The following JAZF1 variants were observed in gnomAD, a reference collection of about 807,000 sequenced individuals.
The protein encoded by JAZF1 is juxtaposed with another zinc finger protein 1.
Under a neutral mutation model 26.4 loss-of-function variants are expected in JAZF1, and 8 were observed. That is an observed-to-expected ratio of 0.30 (90% CI 0.18 to 0.55). The LOEUF (loss-of-function observed/expected upper bound fraction) is 0.55. JAZF1 is among the 20% of genes least tolerant of loss of function. The probability of loss-of-function intolerance (pLI) is 0.94; values close to 1 mark genes in which losing one functional copy is unlikely to be tolerated. For synonymous variants in JAZF1, 126 were observed against 122.3 expected, an observed-to-expected ratio of 1.03 and a Z score of -0.20; for missense variants, 199 against 322.0, an observed-to-expected ratio of 0.62 and a Z score of 2.92.
chr7:27,929,785 G>A (rs1784656290), intron 2 of JAZF1, among the ~76,000 whole-genome samples: 2 of 152,116 alleles, frequency 1.3e-5, no homozygotes, highest in South Asian at 2.1e-4. Context: ...TCCTAAGACA[G>A]TATAATAGCA....
intron 3 of JAZF1, among the ~76,000 whole-genome samples, chr7:27,873,911 T>C (rs1174387933): frequency 6.6e-6 from 1 of 152,212 alleles, no homozygotes; most frequent in Non-Finnish European, 1.5e-5. Context: ...ATGCAATTAT[T>C]ATATGGACTA....
chr7:27,846,329 A>G (rs570152273), intron 3 of JAZF1, among the ~76,000 whole-genome samples: 24 of 147,684 alleles, frequency 1.6e-4, no homozygotes, highest in African/African-American at 5.8e-4. Flanking sequence ...GTGTGTATAC[A>G]TATGTACACG....
intron 1 of JAZF1, among the ~76,000 whole-genome samples, chr7:28,067,114 A>G (rs1783895888): frequency 6.6e-6 from 1 of 152,178 alleles, no homozygotes; most frequent in South Asian, 2.1e-4. Context: ...ACTCTAGGAG[A>G]AAATGCTGGA....
intron 1 of JAZF1, among the ~76,000 whole-genome samples, chr7:28,000,777 C>T (rs901143017): frequency 6.6e-6 from 1 of 151,890 alleles, no homozygotes; most frequent in African/African-American, 2.4e-5. Flanking sequence ...CGCCACCACA[C>T]CTGACTAATT....
intron 3 of JAZF1, among the ~76,000 whole-genome samples, chr7:27,874,340 C>A (rs1222329870): frequency 6.6e-6 from 1 of 152,204 alleles, no homozygotes; most frequent in Non-Finnish European, 1.5e-5. Context: ...TAAGTCTGGA[C>A]AGTTTTCTTT....
chr7:28,056,041 T>C (rs1783701737), intron 1 of JAZF1, among the ~76,000 whole-genome samples: 1 of 152,196 alleles, frequency 6.6e-6, no homozygotes, highest in Non-Finnish European at 1.5e-5. Context: ...CTGCTTTCCA[T>C]TCTTTGTGAA....
intron 4 of JAZF1, among the ~76,000 whole-genome samples, chr7:27,834,729 G>A (rs1482817983): frequency 6.6e-6 from 1 of 152,180 alleles, no homozygotes; most frequent in Admixed American, 6.5e-5. Context: ...AGAGGCCAAC[G>A]TGTGTATCCA....
chr7:27,853,982 C>T (rs1783198395), intron 3 of JAZF1, among the ~76,000 whole-genome samples: 1 of 152,106 alleles, frequency 6.6e-6, no homozygotes, highest in South Asian at 2.1e-4. Flanking sequence ...TTAAAGTCTC[C>T]CACTATTGTT....
chr7:28,000,613 TC>T (rs1786130073), intron 1 of JAZF1, among the ~76,000 whole-genome samples: 1 of 136,836 alleles, frequency 7.3e-6, no homozygotes. Context: ...TTTCTTTCTT[TC>T]TTTCTTTCTT....
intron 2 of JAZF1, among the ~76,000 whole-genome samples, chr7:27,991,000 G>T (rs1354645931): frequency 6.6e-6 from 1 of 152,108 alleles, no homozygotes; most frequent in African/African-American, 2.4e-5. Flanking sequence ...TGAACAACAG[G>T]TGTCTCTAAT....
At chr7:28,011,099 C>A (rs990434185) in intron 1 of JAZF1, among the ~76,000 whole-genome samples, 2 of 152,034 alleles carry the variant, frequency 1.3e-5, no homozygotes, top group Admixed American at 1.3e-4. Context: ...TAATTATTGC[C>A]GCAACCCAAG....
chr7:27,843,907 T>G (rs1379422964), intron 3 of JAZF1: 1 of 152,226 alleles, frequency 6.6e-6, no homozygotes, highest in Non-Finnish European at 1.5e-5. Context: ...GGTAAGAAAA[T>G]AAACAAAATG....
At position 27,871,076 on chromosome 7, in the gene JAZF1, C is replaced by A. The variant is rs58753113; in HGVS notation, c.385+24144G>T. 1.3e-5 allele frequency among the ~76,000 whole-genome samples: 2 copies of A among 152,002 alleles called. 1 individual carries two copies. The highest frequency in any genetic ancestry group is 3.9e-4 in the East Asian group (2 of 5,176). ...TGTGTCTCTTAAACCGTCATTGTAACGAGAAGTTACAAGTTGGGTCCTGAG... is the reference window on the plus strand; with the variant it reads ...TGTGTCTCTTAAACCGTCATTGTAAAGAGAAGTTACAAGTTGGGTCCTGAG... On this transcript the variant is annotated intron_variant, in intron 3 of 4. Transcript: ENST00000283928.
At chr7:28,137,942 C>T (rs1782909626) in intron 1 of JAZF1, among the ~76,000 whole-genome samples, 1 of 152,186 alleles carries the variant, frequency 6.6e-6, no homozygotes, top group African/African-American at 2.4e-5. Flanking sequence ...GACTGAGGGA[C>T]AGGCAGGTTA....
At chr7:28,153,028 A>T (rs1329815674) in intron 1 of JAZF1, among the ~76,000 whole-genome samples, 2 of 152,184 alleles carry the variant, frequency 1.3e-5, no homozygotes, top group African/African-American at 4.8e-5. Context: ...AAAATTTATA[A>T]ATCATGTAAA....
chr7:28,151,867 C>T (rs1428863077), intron 1 of JAZF1, among the ~76,000 whole-genome samples: 2 of 152,060 alleles, frequency 1.3e-5, no homozygotes, highest in Non-Finnish European at 2.9e-5. Context: ...AAAAAACCTG[C>T]ATTATCCAAT....
chr7:28,058,899 C>G (rs1033766186), intron 1 of JAZF1, among the ~76,000 whole-genome samples: 1 of 152,142 alleles, frequency 6.6e-6, no homozygotes, highest in African/African-American at 2.4e-5. Flanking sequence ...TTGGATGCAG[C>G]CTTCTTTATA....
intron 1 of JAZF1, among the ~76,000 whole-genome samples, chr7:28,110,521 A>AAAGG (rs1784635463): frequency 1.7e-5 from 1 of 60,228 alleles, no homozygotes; most frequent in African/African-American, 5.7e-5. Context: ...AAGGAAAAGG[A>AAAGG]AAAGGAAAAG....
chr7:27,932,563 A>AT (rs1391708620), intron 2 of JAZF1, among the ~76,000 whole-genome samples: 10 of 152,222 alleles, frequency 6.6e-5, no homozygotes, highest in Non-Finnish European at 1.5e-4. Context: ...AAAAAGAAAG[A>AT]TTTTAAATGA....
Sources: gnomAD v4.1 joint callset for allele counts (sites outside exome capture counted in the v4.1 genomes callset) on GRCh38, gnomAD v4.1.1 for gene constraint, MANE v1.5 for transcripts, NCBI Gene and HGNC (gene_info 2026-07-23, HGNC 2026-07-21) for gene names.